Variants in MGAT4C observed in about 807,000 individuals in gnomAD.
MGAT4C encodes alpha-1,3-mannosyl-glycoprotein 4-beta-N-acetylglucosaminyltransferase C.
In MGAT4C, 19 loss-of-function variants were observed where a neutral mutation model predicts 40.1. The ratio of observed to expected loss-of-function variants is 0.47; its 90% confidence interval spans 0.33 to 0.70. The LOEUF (loss-of-function observed/expected upper bound fraction) is 0.70, where lower values mean the gene tolerates loss of function less well. MGAT4C is among the 30% of genes least tolerant of loss of function. The pLI is 0.02. For synonymous variants in MGAT4C, 181 were observed against 187.1 expected (o/e 0.97, Z 0.27); for missense variants, 491 against 563.2 (o/e 0.87, Z 1.30).
chr12:86,561,930 T>C (rs1306423636), intron 2 of MGAT4C, among the ~76,000 whole-genome samples: 1 of 152,204 alleles, frequency 6.6e-6, no homozygotes, highest in Non-Finnish European at 1.5e-5. Flanking sequence ...TCTAAAAGTA[T>C]AGAGAACACT....
intron 3 of MGAT4C, among the ~76,000 whole-genome samples, chr12:86,380,440 C>T (rs1441028791): frequency 1.3e-5 from 2 of 151,912 alleles, no homozygotes; most frequent in East Asian, 3.9e-4. Context: ...TATAACATTG[C>T]TTGTATGCCA....
intron 4 of MGAT4C, among the ~76,000 whole-genome samples, chr12:86,292,392 C>T (rs1270131861): frequency 1.3e-5 from 2 of 151,388 alleles, no homozygotes; most frequent in African/African-American, 4.8e-5. Flanking sequence ...CATCAAAATT[C>T]ATAATTTTTC....
chr12:86,651,365 G>A (rs1274529797), intron 2 of MGAT4C, among the ~76,000 whole-genome samples: 1 of 151,818 alleles, frequency 6.6e-6, no homozygotes, highest in East Asian at 1.9e-4. Context: ...TAGCCACAGA[G>A]CAGCAAGTGA....
chr12:86,066,413 G>A (rs543923129), intron 1 of MGAT4C, among the ~76,000 whole-genome samples: 3 of 151,636 alleles, frequency 2.0e-5, no homozygotes, highest in Admixed American at 1.3e-4. Context: ...CCACACATCT[G>A]CAACCATCTT....
At chr12:86,627,208 G>A (rs1194599772) in intron 2 of MGAT4C, among the ~76,000 whole-genome samples, 1 of 152,090 alleles carries the variant, frequency 6.6e-6, no homozygotes, top group Non-Finnish European at 1.5e-5. Flanking sequence ...AGGCAAACAA[G>A]GTGACCAGGA....
At chr12:86,113,900 C>T (rs1877892276) in intron 1 of MGAT4C, among the ~76,000 whole-genome samples, 1 of 151,870 alleles carries the variant, frequency 6.6e-6, no homozygotes, top group South Asian at 2.1e-4. Flanking sequence ...TCTCAAAAGA[C>T]CTATAGTAAG....
intron 2 of MGAT4C, among the ~76,000 whole-genome samples, chr12:86,585,125 A>G (rs1438279955): frequency 6.6e-6 from 1 of 151,340 alleles, no homozygotes; most frequent in African/African-American, 2.4e-5. Context: ...TGTAATTTGT[A>G]CTGTACCTAT....
intron 1 of MGAT4C, among the ~76,000 whole-genome samples, chr12:86,778,369 GAC>G (rs1403383667): frequency 6.6e-6 from 1 of 152,068 alleles, no homozygotes; most frequent in African/African-American, 2.4e-5. Flanking sequence ...TTCTACAAAA[GAC>G]ACACAAGTAC....
intron 2 of MGAT4C, among the ~76,000 whole-genome samples, chr12:86,562,268 C>G (rs1165324871): frequency 6.6e-6 from 1 of 152,100 alleles, no homozygotes; most frequent in African/African-American, 2.4e-5. Context: ...GACACAAGCT[C>G]TTATGTGAGT....
chr12:86,547,590 T>C (rs186448742), intron 2 of MGAT4C, among the ~76,000 whole-genome samples: 1 of 152,222 alleles, frequency 6.6e-6, no homozygotes, highest in Admixed American at 6.5e-5. Context: ...CTTGTATCTG[T>C]TAGATGTTAT....
At chr12:86,622,439 G>GA (rs1403682903) in intron 2 of MGAT4C, among the ~76,000 whole-genome samples, 1 of 151,894 alleles carries the variant, frequency 6.6e-6, no homozygotes, top group African/African-American at 2.4e-5. Context: ...TATTTAGAGT[G>GA]AAAAAAACCT....
intron 2 of MGAT4C, among the ~76,000 whole-genome samples, chr12:86,459,483 A>T (rs926599690): frequency 1.3e-4 from 20 of 152,066 alleles, no homozygotes; most frequent in Non-Finnish European, 1.0e-4. Flanking sequence ...GGCCACTAGT[A>T]GCTGAGAATC....
chr12:86,492,379 C>CT (rs1052718849), intron 2 of MGAT4C, among the ~76,000 whole-genome samples: 84 of 152,292 alleles, frequency 5.5e-4, no homozygotes, highest in African/African-American at 1.9e-3. Flanking sequence ...AGGCATCACA[C>CT]TACCTGACTT....
intron 1 of MGAT4C, among the ~76,000 whole-genome samples, chr12:86,827,567 AAAAAT>A: frequency 6.6e-6 from 1 of 151,458 alleles, no homozygotes; most frequent in East Asian, 1.9e-4. Flanking sequence ...GCAAATATAG[AAAAAT>A]AAAAGCAAAC....
intron 1 of MGAT4C, among the ~76,000 whole-genome samples, chr12:86,204,479 A>G (rs1950178881): frequency 6.6e-6 from 1 of 152,152 alleles, no homozygotes; most frequent in Admixed American, 6.5e-5. Context: ...AGGAGGAAAA[A>G]CATTGATAGA....
chr12:86,328,874 G>C (rs1954586665), intron 4 of MGAT4C, among the ~76,000 whole-genome samples: 1 of 151,218 alleles, frequency 6.6e-6, no homozygotes, highest in African/African-American at 2.4e-5. Context: ...GGGAAGCCAA[G>C]GTGGGCATAT....
intron 1 of MGAT4C, among the ~76,000 whole-genome samples, chr12:86,730,532 T>C (rs551903671): frequency 1.3e-5 from 2 of 152,174 alleles, no homozygotes; most frequent in African/African-American, 4.8e-5. Flanking sequence ...GAACGTATTC[T>C]AAAATACCCA....
chr12:86,730,338 G>A (rs1358485125), intron 1 of MGAT4C, among the ~76,000 whole-genome samples: 1 of 151,804 alleles, frequency 6.6e-6, no homozygotes, highest in Admixed American at 6.6e-5. Flanking sequence ...TTGTTTTAAG[G>A]GTAGGAAATA....
chr12:86,439,846 C>A (rs1015938694), intron 2 of MGAT4C, among the ~76,000 whole-genome samples: 1 of 150,948 alleles, frequency 6.6e-6, no homozygotes, highest in African/African-American at 2.5e-5. Context: ...ATTATAAACA[C>A]CTCTATACAT....
Sources: gnomAD v4.1 joint callset for allele counts (sites outside exome capture counted in the v4.1 genomes callset) on GRCh38, gnomAD v4.1.1 for gene constraint, MANE v1.5 for transcripts, NCBI Gene and HGNC (gene_info 2026-07-23, HGNC 2026-07-21) for gene names.